EPB41L3: variants seen among roughly 807,000 people sequenced by gnomAD.
The protein encoded by EPB41L3 is erythrocyte membrane protein band 4.1 like 3.
Under a neutral mutation model 127.1 loss-of-function variants are expected in EPB41L3, and 57 were observed. The ratio of observed to expected loss-of-function variants is 0.45; its 90% confidence interval spans 0.36 to 0.56. The LOEUF (loss-of-function observed/expected upper bound fraction) is 0.56. Among genes scored for constraint, EPB41L3 ranks in the 20% least tolerant of loss-of-function variants. The probability of loss-of-function intolerance (pLI) is 0.00; values close to 1 mark genes in which losing one functional copy is unlikely to be tolerated. For synonymous variants in EPB41L3, 572 were observed against 549.5 expected (o/e 1.04, Z -0.57); for missense variants, 1,273 against 1,372.2 (o/e 0.93, Z 1.14).
intron 3 of EPB41L3, among the ~76,000 whole-genome samples, chr18:5,447,171 CTTACTTCT>C (rs1385469814): frequency 6.6e-6 from 1 of 152,278 alleles, no homozygotes; most frequent in Non-Finnish European, 1.5e-5. Context: ...TATGACACTA[CTTACTTCT>C]TTGGAATGGA....
chr18:5,490,166 G>C (rs78659519), intron 1 of EPB41L3, among the ~76,000 whole-genome samples: 410 of 152,304 alleles, frequency 2.7e-3, no homozygotes, highest in Non-Finnish European at 4.7e-3. Flanking sequence ...AGCAGCAAGA[G>C]AGCTGCTATT....
At chr18:5,426,483 C>T (rs888054561) in intron 9 of EPB41L3, among the ~76,000 whole-genome samples, 11 of 152,156 alleles carry the variant, frequency 7.2e-5, no homozygotes, top group African/African-American at 2.4e-4. Flanking sequence ...CAGCCTCTGC[C>T]CTAGTTTAGG....
intron 3 of EPB41L3, chr18:5,463,835 G>A (rs1429462087): frequency 6.6e-6 from 1 of 152,294 alleles, no homozygotes; most frequent in Non-Finnish European, 1.5e-5. Context: ...TATGCAAAAC[G>A]TGAGATGATA....
intron 1 of EPB41L3, among the ~76,000 whole-genome samples, chr18:5,515,756 C>T (rs2092724586): frequency 2.0e-5 from 3 of 152,176 alleles, no homozygotes. Flanking sequence ...ATTGGAGTAA[C>T]TCTTTAAAAC....
chr18:5,444,511 T>C (rs1346409426), intron 4 of EPB41L3, among the ~76,000 whole-genome samples: 1 of 152,222 alleles, frequency 6.6e-6, no homozygotes, highest in Non-Finnish European at 1.5e-5. Context: ...ACGATTTCCT[T>C]TTCTGTATTT....
chr18:5,432,021 G>A (rs2079075467), intron 8 of EPB41L3, among the ~76,000 whole-genome samples: 2 of 152,098 alleles, frequency 1.3e-5, no homozygotes, highest in South Asian at 4.1e-4. Flanking sequence ...GTGAACCTCC[G>A]CCAAGTCACA....
chr18:5,393,507 C>A (rs777377887), intron 22 of EPB41L3, 29 bp from the exon 23 acceptor site: 1 of 700,484 alleles, frequency 1.4e-6, no homozygotes, highest in South Asian at 1.5e-5. Context: ...ATTAGTTACT[C>A]ATTTGAAAAC....
At chr18:5,394,861 G>T (rs1489737756) in intron 21 of EPB41L3, 68 bp from the exon 22 acceptor site, 1 of 1,453,226 alleles carries the variant, frequency 6.9e-7, no homozygotes, top group Admixed American at 1.7e-5. Context: ...CAGTGGTGAG[G>T]TGGAGACTTA....
intron 2 of EPB41L3, among the ~76,000 whole-genome samples, chr18:5,613,743 C>T (rs28682887): frequency 0.056 from 8,579 of 152,250 alleles, 758 homozygotes; most frequent in African/African-American, 0.19. Flanking sequence ...ACATGAGAAT[C>T]CATTCTCTTC....
At chr18:5,514,238 CTGA>C (rs1020030840) in intron 1 of EPB41L3, among the ~76,000 whole-genome samples, 23 of 152,308 alleles carry the variant, frequency 1.5e-4, no homozygotes, top group African/African-American at 5.5e-4. Flanking sequence ...GTCCTCACCA[CTGA>C]TTATAGTGCA....
At chr18:5,593,147 T>C (rs1416469033) in intron 3 of EPB41L3, among the ~76,000 whole-genome samples, 1 of 152,160 alleles carries the variant, frequency 6.6e-6, no homozygotes, top group Non-Finnish European at 1.5e-5. Context: ...TACTGTTCTT[T>C]TTTAGCATTG....
chr18:5,407,984 C>T (rs902269707), intron 14 of EPB41L3, among the ~76,000 whole-genome samples: 1 of 152,180 alleles, frequency 6.6e-6, no homozygotes. Context: ...CCAGCAGACA[C>T]ACGTGGTTGA....
intron 18 of EPB41L3, 67 bp downstream of exon 18, chr18:5,396,991 T>A: frequency 6.8e-7 from 1 of 1,478,122 alleles, no homozygotes; most frequent in South Asian, 1.3e-5. Context: ...TTTATGCTGA[T>A]CTAAATTTCC....
At chr18:5,469,281 G>C (rs537737878) in intron 3 of EPB41L3, among the ~76,000 whole-genome samples, 1 of 152,294 alleles carries the variant, frequency 6.6e-6, no homozygotes, top group East Asian at 1.9e-4. Context: ...GGGGGTCTGT[G>C]GTTTCTGGCA....
chr18:5,557,376 G>A (rs2094052907), intron 3 of EPB41L3, among the ~76,000 whole-genome samples: 1 of 152,044 alleles, frequency 6.6e-6, no homozygotes, highest in Admixed American at 6.5e-5. Context: ...CAAAACACTT[G>A]TTTTTTTGTT....
chr18:5,629,781 A>G (rs1487535752), upstream of EPB41L3, among the ~76,000 whole-genome samples: 1 of 152,204 alleles, frequency 6.6e-6, no homozygotes, highest in Non-Finnish European at 1.5e-5. Context: ...CCAGCCCACA[A>G]CTAGGCTGCC....
intron 1 of EPB41L3, among the ~76,000 whole-genome samples, chr18:5,498,363 G>T (rs1369183395): frequency 1.3e-5 from 2 of 152,104 alleles, no homozygotes; most frequent in Non-Finnish European, 2.9e-5. Flanking sequence ...GGAGGCTGAG[G>T]CGGGTGGATC....
intron 13 of EPB41L3, among the ~76,000 whole-genome samples, chr18:5,413,875 T>A (rs2076486185): frequency 6.6e-6 from 1 of 152,232 alleles, no homozygotes; most frequent in Non-Finnish European, 1.5e-5. Context: ...AATCACACGT[T>A]CGCTAGCTTG....
intron 5 of EPB41L3, among the ~76,000 whole-genome samples, chr18:5,441,118 C>G (rs1423575578): frequency 1.3e-5 from 2 of 152,182 alleles, no homozygotes; most frequent in African/African-American, 4.8e-5. Context: ...GCTTGAACTT[C>G]TGGCTTCAAG....
Sources: allele counts gnomAD v4.1 joint callset (sites outside exome capture counted in the v4.1 genomes callset), GRCh38; gene constraint gnomAD v4.1.1; transcripts MANE v1.5; gene names NCBI Gene and HGNC (gene_info 2026-07-23, HGNC 2026-07-21).